The following GRB14 variants were observed in gnomAD, a reference collection of about 807,000 sequenced individuals.
GRB14 encodes growth factor receptor-bound protein 14.
A neutral mutation model predicts 69.1 loss-of-function variants in GRB14; 38 were observed. The observed-to-expected ratio is 0.55, with a 90% confidence interval of 0.42 to 0.72. The LOEUF is 0.72. Ranked by LOEUF, GRB14 falls within the 30% of genes least tolerant of loss-of-function variation. GRB14 has a pLI of 0.00. For missense variants in GRB14, 666 were observed against 666.1 expected, an observed-to-expected ratio of 1.00 and a Z score of 0.00; for synonymous variants, 247 against 241.3, an observed-to-expected ratio of 1.02 and a Z score of -0.22.
rs1210957194 is a variant in GRB14, at chr2:164,565,690, T to C, written c.325-17874A>G. Among the ~76,000 whole-genome samples, 3 of 152,318 alleles carry C rather than the reference T, an allele frequency of 2.0e-5. No individual in the cohort carries two copies. In the East Asian group the frequency reaches 5.8e-4, roughly 29 times the overall value. Reference sequence around the variant, plus strand: ...ACAATGTTTGCTGAGGATGTGATCGTTTCTGAAGCACATGAGGAACGTTCT... The same window carrying C: ...ACAATGTTTGCTGAGGATGTGATCGCTTCTGAAGCACATGAGGAACGTTCT... On this transcript the variant is annotated intron_variant, in intron 2 of 13. Coordinates refer to ENST00000263915, the MANE Select transcript of GRB14 (RefSeq NM_004490.3).
intron 3 of GRB14, among the ~76,000 whole-genome samples, chr2:164,541,283 G>A (rs987026152): frequency 2.6e-5 from 4 of 151,974 alleles, no homozygotes; most frequent in South Asian, 4.2e-4. Context: ...AGCCTGGCCA[G>A]CATGGTGAAA....
chr2:164,566,576 C>T (rs528037127), intron 2 of GRB14, among the ~76,000 whole-genome samples: 1 of 152,236 alleles, frequency 6.6e-6, no homozygotes, highest in East Asian at 1.9e-4. Context: ...ATAACCACCG[C>T]TTTCCAGAGT....
At chr2:164,561,837 T>C (rs1313221684) in intron 2 of GRB14, among the ~76,000 whole-genome samples, 2 of 152,200 alleles carry the variant, frequency 1.3e-5, no homozygotes. Context: ...TTTTTTATTG[T>C]TCTTTGTGAA....
intron 2 of GRB14, among the ~76,000 whole-genome samples, chr2:164,587,714 C>T (rs551221249): frequency 3.9e-4 from 59 of 152,186 alleles, no homozygotes; most frequent in African/African-American, 1.4e-3. Context: ...TTATTTTTTC[C>T]AATGCAAGAT....
intron 3 of GRB14, among the ~76,000 whole-genome samples, chr2:164,546,041 T>C (rs1210815034): frequency 3.3e-5 from 5 of 152,220 alleles, no homozygotes; most frequent in Admixed American, 2.6e-4. Flanking sequence ...TTTGTACCTG[T>C]CTGTGCTACA....
At chr2:164,555,579 C>T (rs1157811293) in intron 2 of GRB14, among the ~76,000 whole-genome samples, 1 of 151,228 alleles carries the variant, frequency 6.6e-6, no homozygotes, top group Non-Finnish European at 1.5e-5. Flanking sequence ...ATAGTTAAAC[C>T]TAACTAAATT....
intron 3 of GRB14, among the ~76,000 whole-genome samples, chr2:164,546,527 G>T (rs1030588443): frequency 1.3e-5 from 2 of 152,122 alleles, no homozygotes; most frequent in Non-Finnish European, 2.9e-5. Flanking sequence ...ACGGGCGACA[G>T]GAAAGTAAAG....
intron 3 of GRB14, among the ~76,000 whole-genome samples, chr2:164,527,829 A>AT (rs1423936269): frequency 6.6e-6 from 1 of 152,056 alleles, no homozygotes; most frequent in African/African-American, 2.4e-5. Context: ...AAGCAAAGGC[A>AT]GTTTTAAAGA....
At chr2:164,506,535 GA>G (rs1687194470) in intron 8 of GRB14, among the ~76,000 whole-genome samples, 1 of 152,114 alleles carries the variant, frequency 6.6e-6, no homozygotes, top group Non-Finnish European at 1.5e-5. Flanking sequence ...AGCCACTGTG[GA>G]AAAACATTTT....
rs745758983 is a variant in GRB14 at position 164,522,035 on chromosome 2, A to T, written c.761T>A (p.Ile254Asn). Reference sequence around the variant, plus strand: ...ACCAGATCTTCTTAGAAAAAAGTAAATTTTTTTCCAAGACTTCTTTCCCTG... The same window carrying T: ...ACCAGATCTTCTTAGAAAAAAGTAATTTTTTTTCCAAGACTTCTTTCCCTG... Reference protein sequence around the residue: ...KEQGKKSWKKIYFFLRRSGLY... With the variant: ...KEQGKKSWKKNYFFLRRSGLY... The change falls in exon 6 of 14, where the codon ATT becomes AAT. Residue 254 changes from isoleucine to asparagine, a missense_variant. Physicochemically the swap from Ile to Asn is moderately radical, Grantham distance 149. Coordinates refer to ENST00000263915, the MANE Select transcript of GRB14 (RefSeq NM_004490.3). 6 of 1,603,336 alleles carry T rather than the reference A, an allele frequency of 3.7e-6. No homozygotes were observed. The Admixed American group carries it at 8.4e-5, about 22-fold the overall frequency.
At chr2:164,601,621 C>A (rs952448460) in intron 2 of GRB14, among the ~76,000 whole-genome samples, 6 of 151,896 alleles carry the variant, frequency 4.0e-5, no homozygotes, top group Admixed American at 2.6e-4. Flanking sequence ...TTTCCATCTG[C>A]AAAACTAGGA....
chr2:164,577,740 C>T (rs184545866), intron 2 of GRB14, among the ~76,000 whole-genome samples: 8 of 152,156 alleles, frequency 5.3e-5, no homozygotes, highest in East Asian at 1.9e-4. Context: ...CTCGTGTGTT[C>T]GTGTGTGCAT....
intron 5 of GRB14, 65 bp from the exon 6 acceptor site, chr2:164,522,182 T>G: frequency 3.4e-6 from 3 of 875,264 alleles, no homozygotes; most frequent in Non-Finnish European, 5.5e-6. Flanking sequence ...CTTATACTAA[T>G]CATATTAAGA....
chr2:164,616,242 G>A (rs1690289718), intron 2 of GRB14, among the ~76,000 whole-genome samples: 1 of 151,850 alleles, frequency 6.6e-6, no homozygotes, highest in South Asian at 2.1e-4. Context: ...GGCTAACACG[G>A]TAAAACCCTG....
chr2:164,573,843 G>A (rs1689178996), intron 2 of GRB14: 4 of 1,612,738 alleles, frequency 2.5e-6, no homozygotes, highest in South Asian at 1.1e-5. Context: ...GAAGCTGAAA[G>A]GTGGATTGTA....
At chr2:164,615,905 A>G (rs1006794700) in intron 2 of GRB14, among the ~76,000 whole-genome samples, 3 of 152,180 alleles carry the variant, frequency 2.0e-5, no homozygotes, top group Non-Finnish European at 4.4e-5. Context: ...CCTTCAAACA[A>G]TAGGTGTTTA....
At chr2:164,494,727 A>G (rs1359832473) in intron 12 of GRB14, among the ~76,000 whole-genome samples, 1 of 152,186 alleles carries the variant, frequency 6.6e-6, no homozygotes, top group Non-Finnish European at 1.5e-5. Flanking sequence ...CTGCTACTGT[A>G]ATTTTAATAG....
intron 2 of GRB14, among the ~76,000 whole-genome samples, chr2:164,604,685 C>T (rs1690003635): frequency 6.6e-6 from 1 of 151,692 alleles, no homozygotes; most frequent in South Asian, 2.1e-4. Context: ...AATTACTTCA[C>T]GGTGAGAATC....
chr2:164,520,606 A>G (rs1380217147), intron 6 of GRB14, among the ~76,000 whole-genome samples: 6 of 152,214 alleles, frequency 3.9e-5, no homozygotes, highest in Non-Finnish European at 8.8e-5. Flanking sequence ...CAATTTCTAC[A>G]TCTGACAAAG....
Sources: allele counts gnomAD v4.1 joint callset (sites outside exome capture counted in the v4.1 genomes callset), GRCh38; gene constraint gnomAD v4.1.1; transcripts MANE v1.5; gene names NCBI Gene and HGNC (gene_info 2026-07-23, HGNC 2026-07-21).